Variants in SIPA1L1 observed in about 807,000 individuals in gnomAD.
The protein encoded by SIPA1L1 is signal-induced proliferation-associated 1-like protein 1.
A neutral mutation model predicts 162.7 loss-of-function variants in SIPA1L1; 26 were observed. That is an observed-to-expected ratio of 0.16 (90% CI 0.12 to 0.22). The LOEUF is 0.22. Ranked by LOEUF, SIPA1L1 falls within the 10% of genes least tolerant of loss-of-function variation. The pLI, the probability that SIPA1L1 is intolerant of heterozygous loss-of-function variation, is 1.00. For missense variants in SIPA1L1, 1,874 were observed against 2,241.0 expected (o/e 0.84, Z 3.31); for synonymous variants, 829 against 837.4 (o/e 0.99, Z 0.17).
chr14:71,350,066 A>G (rs1474018428), intron 2 of SIPA1L1, among the ~76,000 whole-genome samples: 1 of 152,188 alleles, frequency 6.6e-6, no homozygotes, highest in Non-Finnish European at 1.5e-5. Context: ...TGCTAGATGG[A>G]GTAAAGTGAT....
At chr14:71,700,268 G>A (rs991572771) in intron 14 of SIPA1L1, among the ~76,000 whole-genome samples, 1 of 151,550 alleles carries the variant, frequency 6.6e-6, no homozygotes, top group African/African-American at 2.5e-5. Context: ...AAAGCAAGTG[G>A]GCACTGTGGT....
chr14:71,612,181 C>T (rs983950106), intron 5 of SIPA1L1, among the ~76,000 whole-genome samples: 10 of 151,972 alleles, frequency 6.6e-5, no homozygotes, highest in Non-Finnish European at 1.0e-4. Context: ...TTTTATTTTT[C>T]TTTCTGTATG....
intron 2 of SIPA1L1, among the ~76,000 whole-genome samples, chr14:71,348,573 G>A (rs975076531): frequency 1.3e-5 from 2 of 152,156 alleles, no homozygotes; most frequent in Non-Finnish European, 2.9e-5. Context: ...TGCACATGGG[G>A]CATGCCTTCC....
At chr14:71,595,020 A>G (rs1379239143) in intron 5 of SIPA1L1, among the ~76,000 whole-genome samples, 1 of 152,166 alleles carries the variant, frequency 6.6e-6, no homozygotes, top group Non-Finnish European at 1.5e-5. Context: ...AGCGTGGCTC[A>G]GCTGCAAGCG....
At chr14:71,421,417 A>AC (rs917844034) in intron 2 of SIPA1L1, among the ~76,000 whole-genome samples, 9 of 151,818 alleles carry the variant, frequency 5.9e-5, no homozygotes, top group Non-Finnish European at 1.3e-4. Context: ...ACATAGTGAG[A>AC]CCCCCATCTC....
intron 9 of SIPA1L1, among the ~76,000 whole-genome samples, chr14:71,660,011 C>T (rs753984862): frequency 3.5e-4 from 53 of 151,566 alleles, no homozygotes; most frequent in Non-Finnish European, 6.9e-4. Context: ...AAATATTTTT[C>T]ATTATATGTA....
chr14:71,397,153 A>T (rs2041270369), intron 2 of SIPA1L1, among the ~76,000 whole-genome samples: 1 of 152,128 alleles, frequency 6.6e-6, no homozygotes. Context: ...TAGTGTATTT[A>T]TTTTATGATG....
intron 5 of SIPA1L1, among the ~76,000 whole-genome samples, chr14:71,595,177 A>G (rs1387691090): frequency 6.6e-6 from 1 of 152,206 alleles, no homozygotes; most frequent in African/African-American, 2.4e-5. Context: ...ATCAAAGACC[A>G]CACTAGTTCA....
At chr14:71,396,970 CG>C (rs941072427) in intron 2 of SIPA1L1, among the ~76,000 whole-genome samples, 4 of 152,086 alleles carry the variant, frequency 2.6e-5, no homozygotes, top group Non-Finnish European at 4.4e-5. Flanking sequence ...TATTTACTGA[CG>C]TTTTTTAAGG....
chr14:71,702,499 C>A lies in SIPA1L1; in HGVS notation c.3640C>A (p.Gln1214Lys). Residue 1214 changes from glutamine (Q) to lysine (K), a missense_variant, in exon 15 of 24, where the codon CAG becomes AAG. Physicochemically the swap from Gln to Lys is moderately conservative, Grantham distance 53. Transcript: ENST00000381232. ...WQRSEDSIAD[Q>K]MEPTCHLPAV... ...AAGAAGTGAGGATAGCATTGCTGAC[C>A]AGATGGGTAAGTAATCAATTTCTAC... 1.2e-6 allele frequency: 2 copies of A among 1,613,926 alleles called. No homozygotes were observed. Among genetic ancestry groups the A allele is most frequent in the Non-Finnish European group, 1.7e-6 (2 of 1,179,872 alleles).
intron 2 of SIPA1L1, among the ~76,000 whole-genome samples, chr14:71,427,591 C>G: frequency 6.6e-6 from 1 of 152,204 alleles, no homozygotes. Context: ...TCCCCTGGCT[C>G]TGCTCACTTT....
chr14:71,690,436 C>T (rs896647226), intron 13 of SIPA1L1, among the ~76,000 whole-genome samples: 2 of 151,992 alleles, frequency 1.3e-5, no homozygotes, highest in African/African-American at 4.8e-5. Flanking sequence ...TTTATAGAGA[C>T]AGTGTCTCAC....
At position 71,692,441 on chromosome 14, in the gene SIPA1L1, G is replaced by A. The variant is rs112563239; in HGVS notation, c.3375-6540G>A. ...GGTGTATTTGTCAGCCAAGACAAGG[G>A]AGAAAAGCAGAGGGCCGCATTTGAC... On this transcript the variant is annotated intron_variant, in intron 13 of 23. Transcript: ENST00000381232. Among the ~76,000 whole-genome samples the A allele has an allele frequency of 2.8e-3, 420 of 152,320 alleles. 2 individuals carry two copies. The highest frequency in any genetic ancestry group is 5.5e-3 in the Admixed American group (84 of 15,300).
intron 5 of SIPA1L1, 120 bp downstream of exon 5, chr14:71,589,490 A>G (rs952452388): frequency 3.9e-5 from 24 of 608,126 alleles, no homozygotes; most frequent in Admixed American, 2.7e-4. Context: ...ATCTTTCTTG[A>G]TGGTAAAATA....
rs749240878 is a variant in SIPA1L1 at position 71,733,712 on chromosome 14, C to G, written c.4908C>G (p.Thr1636=). The change falls in exon 21 of 24, where the codon ACC becomes ACG. Residue 1636 remains threonine, a synonymous_variant. Coordinates refer to ENST00000381232, the MANE Select transcript of SIPA1L1 (RefSeq NM_001386936.1). ...SDSSLTDIQE[T]RRQPMPDPGL... ...GCTCCCTCACTGACATCCAGGAGAC[C>G]CGCAGGCAGCCTATGCCCGACCCTG... The G allele has an allele frequency of 6.2e-7, 1 of 1,613,896 alleles. No individual in the cohort carries two copies. The highest frequency in any genetic ancestry group is 8.5e-7 in the Non-Finnish European group (1 of 1,180,036).
intron 2 of SIPA1L1, among the ~76,000 whole-genome samples, chr14:71,420,205 G>A (rs113151505): frequency 8.5e-5 from 13 of 152,130 alleles, no homozygotes; most frequent in African/African-American, 3.1e-4. Context: ...AAAAAGAAAT[G>A]CCTCCTCGTA....
chr14:71,716,982 C>T (rs1435505450), intron 17 of SIPA1L1, among the ~76,000 whole-genome samples: 1 of 152,222 alleles, frequency 6.6e-6, no homozygotes, highest in Non-Finnish European at 1.5e-5. Context: ...TCACTGCAAC[C>T]TCTGCCGCCC....
At chr14:71,448,658 A>G (rs1264974870) in intron 2 of SIPA1L1, 1 of 151,842 alleles carries the variant, frequency 6.6e-6, no homozygotes, top group Non-Finnish European at 1.5e-5. Context: ...GAGACTCTTC[A>G]TAACAGCCTG....
At chr14:71,493,647 G>A (rs1032419692) in intron 2 of SIPA1L1, among the ~76,000 whole-genome samples, 1 of 152,084 alleles carries the variant, frequency 6.6e-6, no homozygotes, top group African/African-American at 2.4e-5. Context: ...CTGGAAACTT[G>A]GATTATTGTT....
Sources: allele counts gnomAD v4.1 joint callset (sites outside exome capture counted in the v4.1 genomes callset), GRCh38; gene constraint gnomAD v4.1.1; transcripts MANE v1.5; gene names NCBI Gene and HGNC (gene_info 2026-07-23, HGNC 2026-07-21).